KLHL32: variants seen among roughly 807,000 people sequenced by gnomAD.
KLHL32 encodes the protein kelch like family member 32.
Under a neutral mutation model 64.8 loss-of-function variants are expected in KLHL32, and 35 were observed. That is an observed-to-expected ratio of 0.54 (90% CI 0.41 to 0.72). The LOEUF (loss-of-function observed/expected upper bound fraction) is 0.72. Among genes scored for constraint, KLHL32 ranks in the 30% least tolerant of loss-of-function variants. The pLI is 0.00. For synonymous variants in KLHL32, 259 were observed against 281.0 expected (o/e 0.92, Z 0.78); for missense variants, 589 against 768.5 (o/e 0.77, Z 2.76).
At chr6:96,982,971 A>G (rs541434194) in intron 3 of KLHL32, among the ~76,000 whole-genome samples, 1 of 152,318 alleles carries the variant, frequency 6.6e-6, no homozygotes, top group African/African-American at 2.4e-5. Context: ...TTTTCAAGGG[A>G]ATGCTTCCAG....
chr6:96,909,895 C>T, the KLHL32 span, among the ~76,000 whole-genome samples: 2 of 152,166 alleles, frequency 1.3e-5, no homozygotes, highest in African/African-American at 4.8e-5. Context: ...CTTAAGAAGA[C>T]AGATGGTAGT....
chr6:97,071,554 G>A (rs1330962396), intron 5 of KLHL32, among the ~76,000 whole-genome samples: 3 of 152,088 alleles, frequency 2.0e-5, no homozygotes, highest in Non-Finnish European at 1.5e-5. Flanking sequence ...AGCCCTGTAT[G>A]TTCAGCCAGC....
intron 3 of KLHL32, among the ~76,000 whole-genome samples, chr6:97,005,968 G>A (rs973629982): frequency 6.6e-6 from 1 of 152,112 alleles, no homozygotes; most frequent in Non-Finnish European, 1.5e-5. Flanking sequence ...ATGTACAGAA[G>A]AGAAGAATGT....
chr6:97,053,764 A>G (rs1055596562), intron 4 of KLHL32, among the ~76,000 whole-genome samples: 5 of 151,810 alleles, frequency 3.3e-5, no homozygotes, highest in African/African-American at 1.2e-4. Context: ...ATAGTATATA[A>G]TAAATGTATT....
chr6:96,994,117 A>AT (rs1778178495), intron 3 of KLHL32, among the ~76,000 whole-genome samples: 1 of 152,230 alleles, frequency 6.6e-6, no homozygotes. Flanking sequence ...CAGTTGTCTC[A>AT]TTCACAATAT....
intron 1 of KLHL32, among the ~76,000 whole-genome samples, chr6:96,925,660 C>G (rs1286072707): frequency 6.6e-6 from 1 of 152,140 alleles, no homozygotes; most frequent in Non-Finnish European, 1.5e-5. Flanking sequence ...AATTGTGTTT[C>G]CCCACACAAG....
At chr6:97,018,937 T>C (rs1270101929) in intron 3 of KLHL32, among the ~76,000 whole-genome samples, 1 of 152,226 alleles carries the variant, frequency 6.6e-6, no homozygotes, top group Non-Finnish European at 1.5e-5. Context: ...CATATAGATT[T>C]TTTTAAATGT....
At chr6:96,950,931 G>A (rs896458421) in intron 1 of KLHL32, among the ~76,000 whole-genome samples, 2 of 152,124 alleles carry the variant, frequency 1.3e-5, no homozygotes, top group African/African-American at 4.8e-5. Flanking sequence ...GGGTAGACAT[G>A]TGCATATAGC....
intron 1 of KLHL32, among the ~76,000 whole-genome samples, chr6:96,954,697 C>T (rs907162435): frequency 6.6e-6 from 1 of 152,162 alleles, no homozygotes; most frequent in Non-Finnish European, 1.5e-5. Context: ...CTCTACTGAA[C>T]GTGGCATTCC....
At chr6:97,085,094 A>G (rs750871780) in intron 5 of KLHL32, 32 bp from the exon 6 acceptor site, 3 of 1,572,482 alleles carry the variant, frequency 1.9e-6, no homozygotes, top group East Asian at 2.2e-5. Context: ...TTTCTAAGAG[A>G]TCTTTTTTCA....
At chr6:97,007,404 A>G (rs1400548400) in intron 3 of KLHL32, among the ~76,000 whole-genome samples, 1 of 151,992 alleles carries the variant, frequency 6.6e-6, no homozygotes. Context: ...TGTACTTCTT[A>G]TATCTCTTGG....
intron 1 of KLHL32, among the ~76,000 whole-genome samples, chr6:96,948,201 A>G (rs1257815410): frequency 6.6e-6 from 1 of 152,188 alleles, no homozygotes; most frequent in African/African-American, 2.4e-5. Flanking sequence ...ACAATGTACA[A>G]TGAGCGGTGT....
chr6:97,027,703 T>C (rs912823706), intron 3 of KLHL32, among the ~76,000 whole-genome samples: 3 of 152,240 alleles, frequency 2.0e-5, no homozygotes, highest in African/African-American at 4.8e-5. Flanking sequence ...AAATACCTTT[T>C]ATTTTCTGTA....
intron 5 of KLHL32, among the ~76,000 whole-genome samples, 176 bp downstream of exon 5, chr6:97,064,902 C>T (rs138037732): frequency 0.011 from 1,632 of 152,234 alleles, 15 homozygotes; most frequent in South Asian, 0.024. Context: ...GGCTGCAGCT[C>T]TTGCATCCAA....
At chr6:96,912,097 C>T in the KLHL32 span, among the ~76,000 whole-genome samples, 1 of 152,080 alleles carries the variant, frequency 6.6e-6, no homozygotes, top group Middle Eastern at 3.2e-3. Context: ...TCATCATCTT[C>T]CCCCGACAAA....
the KLHL32 span, among the ~76,000 whole-genome samples, chr6:96,899,941 T>G: frequency 6.6e-6 from 1 of 152,226 alleles, no homozygotes; most frequent in East Asian, 1.9e-4. Context: ...CCCAGGGTCT[T>G]GACAACACAC....
chr6:96,913,112 G>T, the KLHL32 span, among the ~76,000 whole-genome samples: 2 of 152,186 alleles, frequency 1.3e-5, no homozygotes, highest in African/African-American at 4.8e-5. Context: ...GGGATTTGTG[G>T]CTATGTATAA....
At chr6:97,045,949 A>G (rs763756922) in intron 4 of KLHL32, among the ~76,000 whole-genome samples, 3 of 152,178 alleles carry the variant, frequency 2.0e-5, no homozygotes, top group Non-Finnish European at 1.5e-5. Flanking sequence ...GCCAAATGAG[A>G]TGAAAATATA....
In KLHL32 at chr6:97,137,862, C is replaced by T. The variant is rs993610170; in HGVS notation, c.1702-1259C>T. On this transcript the variant is annotated intron_variant, in intron 10 of 10. Transcript: ENST00000369261. Reference sequence around the variant, plus strand: ...CAGTTAAAGTCTTAAGATTTATCCACACAGGTGATAGATGAAGGCATGAGA... The same window carrying T: ...CAGTTAAAGTCTTAAGATTTATCCATACAGGTGATAGATGAAGGCATGAGA... 2.6e-5 allele frequency among the ~76,000 whole-genome samples: 4 copies of T among 152,206 alleles called. No homozygotes were observed. In the South Asian group the frequency reaches 6.2e-4, roughly 24 times the overall value.
Sources: allele counts gnomAD v4.1 joint callset (sites outside exome capture counted in the v4.1 genomes callset), GRCh38; gene constraint gnomAD v4.1.1; transcripts MANE v1.5; gene names NCBI Gene and HGNC (gene_info 2026-07-23, HGNC 2026-07-21).